COL24A1: variants seen among roughly 807,000 people sequenced by gnomAD.
COL24A1 encodes the protein collagen alpha-1(XXIV) chain.
COL24A1 carries 224 observed loss-of-function variants against 253.9 expected under a neutral mutation model. That is an observed-to-expected ratio of 0.88 (90% CI 0.79 to 0.99). COL24A1 has a LOEUF of 0.99. Among genes scored for constraint, COL24A1 ranks in the 50% least tolerant of loss-of-function variants. The probability of loss-of-function intolerance (pLI) is 0.00; values close to 1 mark genes in which losing one functional copy is unlikely to be tolerated. For missense variants in COL24A1, 2,131 were observed against 2,068.5 expected (o/e 1.03, Z -0.59); for synonymous variants, 685 against 673.7 (o/e 1.02, Z -0.26).
chr1:85,918,728 C>G (rs772012099), intron 24 of COL24A1, among the ~76,000 whole-genome samples: 1 of 152,062 alleles, frequency 6.6e-6, no homozygotes, highest in Admixed American at 6.6e-5. Flanking sequence ...GTAAGATACA[C>G]CAATATTTTT....
intron 32 of COL24A1, among the ~76,000 whole-genome samples, chr1:85,883,027 CTCTTATT>C (rs1300676667): frequency 1.3e-5 from 2 of 152,170 alleles, no homozygotes; most frequent in Admixed American, 1.3e-4. Flanking sequence ...CTTTGGCAAT[CTCTTATT>C]TCTTAAGTGG....
intron 39 of COL24A1, among the ~76,000 whole-genome samples, chr1:85,843,267 A>G (rs1489114046): frequency 1.3e-5 from 2 of 152,184 alleles, no homozygotes; most frequent in East Asian, 3.8e-4. Context: ...AAAAATGTTC[A>G]CATTGCAACT....
chr1:86,041,125 A>G (rs973251217), intron 12 of COL24A1, among the ~76,000 whole-genome samples: 1 of 152,238 alleles, frequency 6.6e-6, no homozygotes, highest in Non-Finnish European at 1.5e-5. Flanking sequence ...TTCTATAGTT[A>G]GAAAAGTAAA....
At chr1:85,745,231 T>G (rs1432817319) in intron 56 of COL24A1, among the ~76,000 whole-genome samples, 4 of 152,110 alleles carry the variant, frequency 2.6e-5, no homozygotes, top group Non-Finnish European at 5.9e-5. Context: ...ATTTTTGATT[T>G]AAATGTTTTC....
chr1:85,999,895 C>T (rs2101043255), intron 19 of COL24A1, among the ~76,000 whole-genome samples: 1 of 152,278 alleles, frequency 6.6e-6, no homozygotes, highest in African/African-American at 2.4e-5. Flanking sequence ...CCCACATTGC[C>T]TAACCACTGA....
intron 1 of COL24A1, chr1:86,154,536 A>C (rs1456565531): frequency 1.3e-5 from 2 of 152,732 alleles, no homozygotes; most frequent in East Asian, 3.9e-4. Context: ...CTCCGGTGCA[A>C]TCCATTCTAT....
chr1:85,765,376 G>T (rs1667255826), intron 53 of COL24A1, among the ~76,000 whole-genome samples: 1 of 151,272 alleles, frequency 6.6e-6, no homozygotes. Context: ...TTCTATAGCT[G>T]TAAGTTATAT....
chr1:86,006,335 G>C (rs368622332), intron 19 of COL24A1, among the ~76,000 whole-genome samples: 4 of 152,100 alleles, frequency 2.6e-5, no homozygotes, highest in African/African-American at 7.2e-5. Context: ...GAACAGAATA[G>C]AGAACCCAGA....
At chr1:85,731,667 A>C in intron 59 of COL24A1, among the ~76,000 whole-genome samples, 1 of 152,228 alleles carries the variant, frequency 6.6e-6, no homozygotes, top group East Asian at 1.9e-4. Context: ...TGAATACAAT[A>C]GTTCTGGCTT....
At chr1:85,815,728 C>T (rs1409770072) in intron 47 of COL24A1, among the ~76,000 whole-genome samples, 1 of 150,588 alleles carries the variant, frequency 6.6e-6, no homozygotes, top group Non-Finnish European at 1.5e-5. Context: ...AAGAAAAGAG[C>T]AACAAATCAA....
chr1:85,761,191 G>T (rs1666811727), intron 55 of COL24A1, among the ~76,000 whole-genome samples: 2 of 152,122 alleles, frequency 1.3e-5, no homozygotes, highest in South Asian at 4.1e-4. Context: ...GAAAGCAGGA[G>T]ATACCATCTC....
chr1:85,835,158 T>C (rs1675855155), intron 43 of COL24A1, among the ~76,000 whole-genome samples: 1 of 152,066 alleles, frequency 6.6e-6, no homozygotes, highest in Non-Finnish European at 1.5e-5. Context: ...TCTTGCTCTG[T>C]TGCCAGGCTG....
At chr1:85,778,777 T>G (rs1668860751) in intron 52 of COL24A1, among the ~76,000 whole-genome samples, 1 of 152,014 alleles carries the variant, frequency 6.6e-6, no homozygotes, top group Non-Finnish European at 1.5e-5. Flanking sequence ...GCTAATTTTG[T>G]ATTTTTAGTA....
chr1:86,034,234 G>C (rs1414636409), intron 12 of COL24A1, among the ~76,000 whole-genome samples: 3 of 152,000 alleles, frequency 2.0e-5, no homozygotes, highest in Non-Finnish European at 4.4e-5. Context: ...AAACAATGAA[G>C]ATTTCTGGCT....
chr1:86,109,461 C>G (rs751856196), intron 5 of COL24A1, among the ~76,000 whole-genome samples: 2 of 152,196 alleles, frequency 1.3e-5, no homozygotes, highest in Non-Finnish European at 2.9e-5. Context: ...CACTACAGCA[C>G]TATGAGCAGG....
intron 43 of COL24A1, among the ~76,000 whole-genome samples, chr1:85,834,765 G>A (rs1042303882): frequency 6.6e-6 from 1 of 152,038 alleles, no homozygotes; most frequent in Non-Finnish European, 1.5e-5. Context: ...CCTTTAAAAA[G>A]TGGCTGTTGC....
intron 7 of COL24A1, among the ~76,000 whole-genome samples, chr1:86,071,891 C>T (rs1270490341): frequency 6.6e-6 from 1 of 152,006 alleles, no homozygotes; most frequent in Non-Finnish European, 1.5e-5. Flanking sequence ...GTTGCCTCAC[C>T]CAGGAAGAGC....
intron 37 of COL24A1, among the ~76,000 whole-genome samples, chr1:85,865,129 T>C (rs184598180): frequency 2.0e-5 from 3 of 151,964 alleles, no homozygotes; most frequent in Admixed American, 2.0e-4. Flanking sequence ...TGCAGTCCTC[T>C]AGGAAGTAAG....
intron 3 of COL24A1, among the ~76,000 whole-genome samples, chr1:86,118,996 T>C (rs567126284): frequency 7.6e-4 from 115 of 152,258 alleles, no homozygotes; most frequent in African/African-American, 2.7e-3. Flanking sequence ...AGTTTGAGTT[T>C]AAGTGCTATA....
Sources: gnomAD v4.1 joint callset for allele counts (sites outside exome capture counted in the v4.1 genomes callset) on GRCh38, gnomAD v4.1.1 for gene constraint, MANE v1.5 for transcripts, NCBI Gene and HGNC (gene_info 2026-07-23, HGNC 2026-07-21) for gene names.